Variants in ANKRD12 observed in about 807,000 individuals in gnomAD.
ANKRD12 encodes ankyrin repeat domain 12, also known as ankyrin repeat domain-containing protein 12.
In ANKRD12, 85 loss-of-function variants were observed where a neutral mutation model predicts 183.4. The observed-to-expected ratio is 0.46, with a 90% CI of 0.39 to 0.56. The LOEUF (loss-of-function observed/expected upper bound fraction) is 0.56. Among genes scored for constraint, ANKRD12 ranks in the 20% least tolerant of loss-of-function variants. The probability of loss-of-function intolerance (pLI) is 0.00; values close to 1 mark genes in which losing one functional copy is unlikely to be tolerated. For synonymous variants in ANKRD12, 914 were observed against 800.2 expected, an observed-to-expected ratio of 1.14 and a Z score of -2.40; for missense variants, 2,405 against 2,357.1, an observed-to-expected ratio of 1.02 and a Z score of -0.42.
At chr18:9,203,618 T>A (rs948090265) in intron 3 of ANKRD12, among the ~76,000 whole-genome samples, 15 of 152,054 alleles carry the variant, frequency 9.9e-5, no homozygotes, top group African/African-American at 2.9e-4. Context: ...TATTATTATT[T>A]TTTAAATGCA....
intron 8 of ANKRD12, chr18:9,250,004 C>T (rs1252392463): frequency 6.6e-6 from 1 of 152,194 alleles, no homozygotes; most frequent in Non-Finnish European, 1.5e-5. Flanking sequence ...CTTGGAAAAA[C>T]TGCTTAGTAG....
intron 8 of ANKRD12, among the ~76,000 whole-genome samples, chr18:9,236,087 C>G (rs1187720461): frequency 6.6e-6 from 1 of 151,808 alleles, no homozygotes; most frequent in Non-Finnish European, 1.5e-5. Flanking sequence ...ATCACGGCTT[C>G]AACTAAACTA....
intron 7 of ANKRD12, among the ~76,000 whole-genome samples, chr18:9,220,377 A>G (rs1347748817): frequency 6.6e-6 from 1 of 152,050 alleles, no homozygotes; most frequent in Admixed American, 6.5e-5. Context: ...TGAATGTGGT[A>G]TAGGCTTATG....
chr18:9,165,720 T>A (rs55636005), intron 1 of ANKRD12, among the ~76,000 whole-genome samples: 34,367 of 152,028 alleles, frequency 0.23, 4,681 homozygotes, highest in Middle Eastern at 0.38. Context: ...TTTATTTTTT[T>A]ATTTTATTAT....
At chr18:9,277,391 G>A (rs559563806) in intron 11 of ANKRD12, among the ~76,000 whole-genome samples, 5 of 141,560 alleles carry the variant, frequency 3.5e-5, no homozygotes, top group African/African-American at 8.0e-5. Context: ...GCAGTGGCAC[G>A]ATCTCGGCTC....
intron 10 of ANKRD12, among the ~76,000 whole-genome samples, chr18:9,265,128 A>G (rs1284835325): frequency 1.3e-5 from 2 of 152,256 alleles, no homozygotes; most frequent in African/African-American, 4.8e-5. Context: ...AGTGGCCAGG[A>G]AGCTCGAAGT....
rs375873446 is a variant in ANKRD12, at chr18:9,149,794, T to TTA, written c.-52+12830_-52+12831insAT. 5.1e-3 allele frequency among the ~76,000 whole-genome samples: 130 copies of TTA among 25,418 alleles called. 1 individual carries two copies. The highest frequency in any genetic ancestry group is 0.037 in the South Asian group (19 of 518). 16.7% of individuals were successfully genotyped at this position (25,418 alleles called of 152,430 possible). On this transcript the variant is annotated intron_variant, in intron 1 of 12. Transcript: ENST00000262126. The stretch of plus-strand genomic sequence containing the variant: ...ATGATTTATTTATTTATTTATTAAA[T>TTA]TTTATTTTTTTTTTTTTTTGAGACG...
Position 9,241,321 on chromosome 18 carries a change from T to G in ANKRD12, c.944-12890T>G, listed in dbSNP as rs143054960. ...TACCTATAATAAAAGATTTTTCATTTAACATGTAGTTAAAATGTAAATAGT... is the reference window on the plus strand; with the variant it reads ...TACCTATAATAAAAGATTTTTCATTGAACATGTAGTTAAAATGTAAATAGT... On this transcript the variant is annotated intron_variant, in intron 8 of 12. Transcript: ENST00000262126. Among the ~76,000 whole-genome samples the G allele has an allele frequency of 2.3e-3, 349 of 152,320 alleles. 1 individual carries two copies. Among genetic ancestry groups the G allele is most frequent in the African/African-American group, 7.5e-3 (313 of 41,586 alleles).
chr18:9,278,054 A>G (rs907091203), intron 11 of ANKRD12, among the ~76,000 whole-genome samples: 2 of 152,234 alleles, frequency 1.3e-5, no homozygotes, highest in South Asian at 4.1e-4. Context: ...ACCTTGTTGC[A>G]TTGTGCACAC....
chr18:9,241,678 C>A (rs1477707621), intron 8 of ANKRD12, among the ~76,000 whole-genome samples: 2 of 152,160 alleles, frequency 1.3e-5, no homozygotes, highest in Non-Finnish European at 2.9e-5. Context: ...ATGAACACTT[C>A]AAGTGTTTTG....
intron 1 of ANKRD12, among the ~76,000 whole-genome samples, chr18:9,178,343 C>CTCTCTCTT (rs35964343): frequency 0.064 from 9,613 of 151,090 alleles, 334 homozygotes; most frequent in Non-Finnish European, 0.079. Flanking sequence ...CTCTCTCTCT[C>CTCTCTCTT]GTTTTTTGCA....
intron 5 of ANKRD12, among the ~76,000 whole-genome samples, chr18:9,210,088 A>G (rs2035706873): frequency 6.6e-6 from 1 of 151,902 alleles, no homozygotes; most frequent in South Asian, 2.1e-4. Context: ...TTCTTAGTCA[A>G]CTCTCTATTA....
At chr18:9,234,604 G>GGGAA (rs1482937222) in intron 8 of ANKRD12, among the ~76,000 whole-genome samples, 1 of 152,106 alleles carries the variant, frequency 6.6e-6, no homozygotes, top group Non-Finnish European at 1.5e-5. Context: ...TGGAGACTGG[G>GGGAA]GGAATGTCAG....
rs543924524 is a variant in ANKRD12, at chr18:9,156,647, A to G, written c.-52+19682A>G. On this transcript the variant is annotated intron_variant, in intron 1 of 12. Transcript: ENST00000262126. ...TTTATCAAGAAAACTACAGGCATCA[A>G]AAATATATTTGCATTGTTTACCCAT... 8.5e-5 allele frequency among the ~76,000 whole-genome samples: 13 copies of G among 152,358 alleles called. No individual in the cohort carries two copies. In the South Asian group the frequency reaches 1.0e-3, roughly 12 times the overall value.
At chr18:9,173,623 G>A (rs1200565297) in intron 1 of ANKRD12, among the ~76,000 whole-genome samples, 1 of 30,472 alleles carries the variant, frequency 3.3e-5, no homozygotes, top group South Asian at 3.2e-3. Flanking sequence ...TGGTGGGGGG[G>A]GGGTAGGGGG....
chr18:9,230,875 C>T (rs1395712388), intron 8 of ANKRD12, among the ~76,000 whole-genome samples: 1 of 151,848 alleles, frequency 6.6e-6, no homozygotes, highest in African/African-American at 2.4e-5. Context: ...ACCATGTTGG[C>T]CAGACTGGTC....
intron 10 of ANKRD12, among the ~76,000 whole-genome samples, chr18:9,268,856 T>G (rs1191695901): frequency 9.9e-5 from 15 of 152,210 alleles, no homozygotes; most frequent in Non-Finnish European, 5.9e-5. Flanking sequence ...ATGACATGAT[T>G]GTATATCTAG....
chr18:9,252,572 A>G (rs566292077), intron 8 of ANKRD12, among the ~76,000 whole-genome samples: 41 of 152,362 alleles, frequency 2.7e-4, no homozygotes, highest in Admixed American at 6.5e-4. Context: ...AAAAAAAGGC[A>G]TATCTGAATT....
At chr18:9,215,330 G>C (rs1171614200) in intron 6 of ANKRD12, among the ~76,000 whole-genome samples, 1 of 152,100 alleles carries the variant, frequency 6.6e-6, no homozygotes, top group Non-Finnish European at 1.5e-5. Flanking sequence ...AAGGGAAAAG[G>C]TAAACCCAGC....
Sources: gnomAD v4.1 joint callset for allele counts (sites outside exome capture counted in the v4.1 genomes callset) on GRCh38, gnomAD v4.1.1 for gene constraint, MANE v1.5 for transcripts, NCBI Gene and HGNC (gene_info 2026-07-23, HGNC 2026-07-21) for gene names.